Variants in SEC24D observed in about 807,000 individuals in gnomAD.
SEC24D encodes the protein protein transport protein Sec24D.
A neutral mutation model predicts 116.9 loss-of-function variants in SEC24D; 69 were observed. That is an observed-to-expected ratio of 0.59 (90% CI 0.49 to 0.72). The LOEUF (loss-of-function observed/expected upper bound fraction) is 0.72, where lower values mean the gene tolerates loss of function less well. Among genes scored for constraint, SEC24D ranks in the 30% least tolerant of loss-of-function variants. The pLI is 0.00. For missense variants in SEC24D, 1,131 were observed against 1,264.1 expected (o/e 0.89, Z 1.60); for synonymous variants, 405 against 442.8 (o/e 0.91, Z 1.07).
At chr4:118,747,425 C>A (rs1726592273) in intron 13 of SEC24D, among the ~76,000 whole-genome samples, 1 of 151,872 alleles carries the variant, frequency 6.6e-6, no homozygotes, top group Admixed American at 6.6e-5. Flanking sequence ...CGCCACCACG[C>A]CCAGCTATTT....
At chr4:118,815,247 T>C in intron 5 of SEC24D, 92 bp from the exon 6 acceptor site, 3 of 1,483,774 alleles carry the variant, frequency 2.0e-6, no homozygotes, top group African/African-American at 1.4e-5. Context: ...GTCAAGCATG[T>C]TGTATTTTTC....
chr4:118,774,168 G>A (rs1046328296), intron 8 of SEC24D, among the ~76,000 whole-genome samples: 1 of 151,814 alleles, frequency 6.6e-6, no homozygotes, highest in African/African-American at 2.4e-5. Context: ...TAGTTTGTTA[G>A]TGACACTTGG....
At chr4:118,753,480 G>A (rs371398539) in intron 11 of SEC24D, among the ~76,000 whole-genome samples, 2 of 152,022 alleles carry the variant, frequency 1.3e-5, no homozygotes, top group East Asian at 1.9e-4. Context: ...TAAAATGACA[G>A]TGTAATTGTT....
At chr4:118,731,226 C>T in intron 21 of SEC24D, 90 bp downstream of exon 21, 1 of 1,033,790 alleles carries the variant, frequency 9.7e-7, no homozygotes, top group South Asian at 1.4e-5. Flanking sequence ...TATTATTTTT[C>T]TTTCTGTAAT....
At chr4:118,794,697 G>T (rs569251444) in intron 8 of SEC24D, among the ~76,000 whole-genome samples, 59 of 152,268 alleles carry the variant, frequency 3.9e-4, no homozygotes, top group African/African-American at 1.4e-3. Flanking sequence ...CTGTGGGGAT[G>T]GTTCTTGTAG....
Position 118,754,865 on chromosome 4 carries a change from AT to A in SEC24D, c.1422-1978del, listed in dbSNP as rs749904015. ...AACTTTTTATGACATTAGGTGAAAA[AT>A]ATCCCAGCAAATCACAAAGGGCTTT... On this transcript the variant is annotated intron_variant, in intron 11 of 22. Transcript: ENST00000280551. Among the ~76,000 whole-genome samples, 28 of 152,258 alleles carry A rather than the reference AT, an allele frequency of 1.8e-4. 1 individual carries two copies. Among genetic ancestry groups the A allele is most frequent in the Middle Eastern group, 3.4e-3 (1 of 294 alleles).
intron 2 of SEC24D, among the ~76,000 whole-genome samples, chr4:118,829,568 T>C (rs1730749941): frequency 6.6e-6 from 1 of 152,094 alleles, no homozygotes; most frequent in Non-Finnish European, 1.5e-5. Context: ...ATCCCAGCAC[T>C]TTGAGAGGCC....
At chr4:118,801,241 G>A (rs1428783282) in intron 7 of SEC24D, among the ~76,000 whole-genome samples, 5 of 148,310 alleles carry the variant, frequency 3.4e-5, no homozygotes, top group East Asian at 2.0e-4. Context: ...CAGCCTGGGC[G>A]ACAGAGCAAG....
At chr4:118,822,883 T>G (rs576733574) in intron 3 of SEC24D, among the ~76,000 whole-genome samples, 1 of 152,276 alleles carries the variant, frequency 6.6e-6, no homozygotes, top group African/African-American at 2.4e-5. Context: ...ACCATGAATT[T>G]TTCTAGGTCT....
intron 13 of SEC24D, among the ~76,000 whole-genome samples, 200 bp from the exon 14 acceptor site, chr4:118,745,260 A>T (rs184499869): frequency 2.0e-4 from 30 of 152,348 alleles, no homozygotes; most frequent in Admixed American, 1.6e-3. Flanking sequence ...GAGAGAGGAC[A>T]AGCCAAAAGT....
chr4:118,768,703 AT>A, intron 8 of SEC24D, among the ~76,000 whole-genome samples: 1 of 152,270 alleles, frequency 6.6e-6, no homozygotes, highest in African/African-American at 2.4e-5. Flanking sequence ...CCTAGTGGCA[AT>A]TTTTAAGGAA....
At chr4:118,738,762 G>C (rs1032995261) in intron 18 of SEC24D, among the ~76,000 whole-genome samples, 20 of 152,068 alleles carry the variant, frequency 1.3e-4, no homozygotes, top group Non-Finnish European at 2.2e-4. Flanking sequence ...TCCACCTTGG[G>C]CCCATTCTAT....
At position 118,764,833 on chromosome 4, in the gene SEC24D, T is replaced by C; in HGVS notation, c.1265A>G (p.Tyr422Cys). ...ATAATCCAAAGTGGCAACATATTCA[T>C]AAGATCCTAGAGATAACTCTGGTTT... Reference protein sequence around the residue: ...YEKPELSLGSYEYVATLDYCR... With the variant: ...YEKPELSLGSCEYVATLDYCR... The change falls in exon 10 of 23, where the codon TAT (tyrosine) becomes TGT (cysteine). Residue 422 changes from tyrosine (Y) to cysteine (C), a missense_variant. Coordinates refer to ENST00000280551, the MANE Select transcript of SEC24D (RefSeq NM_014822.4). 1 of 1,606,828 alleles carries C rather than the reference T, an allele frequency of 6.2e-7. No individual in the cohort carries two copies. Among genetic ancestry groups the C allele is most frequent in the Non-Finnish European group, 8.5e-7 (1 of 1,173,732 alleles).
At chr4:118,812,365 G>A (rs1296556999) in intron 6 of SEC24D, among the ~76,000 whole-genome samples, 2 of 152,072 alleles carry the variant, frequency 1.3e-5, no homozygotes, top group East Asian at 1.9e-4. Flanking sequence ...GTGAGGACAG[G>A]CACTCATCCT....
intron 19 of SEC24D, among the ~76,000 whole-genome samples, chr4:118,734,522 G>A (rs7697022): frequency 0.6 from 90,972 of 151,958 alleles, 29,986 homozygotes; most frequent in Non-Finnish European, 0.73. Context: ...TTAGTTTTCT[G>A]TCTTGATGAT....
intron 3 of SEC24D, among the ~76,000 whole-genome samples, chr4:118,818,379 C>A (rs929994746): frequency 2.0e-5 from 3 of 152,222 alleles, no homozygotes; most frequent in African/African-American, 7.2e-5. Context: ...GAAGCCAGTG[C>A]TTGCCTGAAG....
At chr4:118,738,209 A>C (rs1482410709) in intron 19 of SEC24D, 52 bp downstream of exon 19, 1 of 1,194,508 alleles carries the variant, frequency 8.4e-7, no homozygotes, top group African/African-American at 1.5e-5. Flanking sequence ...GTGCTGAAGA[A>C]ATGAGTAGTC....
chr4:118,733,043 G>A, intron 19 of SEC24D, 131 bp from the exon 20 acceptor site: 2 of 731,318 alleles, frequency 2.7e-6, no homozygotes, highest in Non-Finnish European at 4.5e-6. Flanking sequence ...GGTAACCCAT[G>A]TAAAACACCT....
chr4:118,739,960 C>T (rs539306370), intron 17 of SEC24D, among the ~76,000 whole-genome samples: 8 of 152,102 alleles, frequency 5.3e-5, no homozygotes, highest in Non-Finnish European at 8.8e-5. Context: ...TGCTTAACAT[C>T]GTATTACGGG....
Sources: allele counts gnomAD v4.1 joint callset (sites outside exome capture counted in the v4.1 genomes callset), GRCh38; gene constraint gnomAD v4.1.1; transcripts MANE v1.5; gene names NCBI Gene and HGNC (gene_info 2026-07-23, HGNC 2026-07-21).